TP53BP2: variants seen among roughly 807,000 people sequenced by gnomAD.
TP53BP2 encodes tumor protein p53 binding protein 2.
Under a neutral mutation model 126.2 loss-of-function variants are expected in TP53BP2, and 62 were observed. That is an observed-to-expected ratio of 0.49 (90% CI 0.40 to 0.61). TP53BP2 has a LOEUF of 0.61. Among genes scored for constraint, TP53BP2 ranks in the 20% least tolerant of loss-of-function variants. The pLI is 0.00. For synonymous variants in TP53BP2, 485 were observed against 502.9 expected, an observed-to-expected ratio of 0.96 and a Z score of 0.48; for missense variants, 1,215 against 1,402.8, an observed-to-expected ratio of 0.87 and a Z score of 2.14.
At chr1:223,821,500 G>A (rs368751391) in intron 1 of TP53BP2, 133 bp from the exon 2 acceptor site, 35 of 1,234,974 alleles carry the variant, frequency 2.8e-5, no homozygotes, top group South Asian at 2.3e-4. Flanking sequence ...GCTGTCACCC[G>A]GCCAAAGGTG....
At chr1:223,802,583 C>T (rs569816168) in intron 8 of TP53BP2, 148 bp downstream of exon 8, 76 of 1,042,956 alleles carry the variant, frequency 7.3e-5, no homozygotes, top group Admixed American at 1.2e-4. Context: ...AAAAAAGCAG[C>T]GGATTGTCTT....
chr1:223,802,824 A>T lies in TP53BP2; in HGVS notation c.903T>A (p.Asn301Lys). Residue 301 changes from asparagine (N) to lysine (K), a missense_variant, in exon 8 of 18, where the codon AAT becomes AAA. Asn to Lys is a moderately conservative substitution (Grantham distance 94, BLOSUM62 0). Coordinates refer to ENST00000343537, the MANE Select transcript of TP53BP2 (RefSeq NM_001031685.3). ...GCTTATCCATGACTGCCACTTCTGA[A>T]TTACGCTTATTCAAACACTCCCTCT... is the stretch of plus-strand genomic sequence containing the variant. The part of the protein sequence containing the change: ...QQQRECLNKR[N>K]SEVAVMDKRV... The T allele has an allele frequency of 6.2e-7, 1 of 1,614,192 alleles. No individual in the cohort carries two copies. Among genetic ancestry groups the T allele is most frequent in the Non-Finnish European group, 8.5e-7 (1 of 1,180,020 alleles).
chr1:223,818,578 T>C (rs568651923), intron 2 of TP53BP2, among the ~76,000 whole-genome samples: 1 of 135,940 alleles, frequency 7.4e-6, no homozygotes, highest in Non-Finnish European at 1.5e-5. Flanking sequence ...TAAAAAAAAA[T>C]TTTTTTTTTT....
chr1:223,816,442 C>A (rs1421494372), intron 2 of TP53BP2, among the ~76,000 whole-genome samples: 1 of 151,740 alleles, frequency 6.6e-6, no homozygotes, highest in Non-Finnish European at 1.5e-5. Flanking sequence ...GGCCTAAGAT[C>A]CTGAATGGTT....
At chr1:223,845,542 C>T in intron 1 of TP53BP2, 112 bp downstream of exon 1, 1 of 1,196,040 alleles carries the variant, frequency 8.4e-7, no homozygotes, top group Non-Finnish European at 1.1e-6. Context: ...CCCCTCCGCG[C>T]GGGCTGCGGC....
chr1:223,782,719 C>T (rs1030648365), intron 17 of TP53BP2, among the ~76,000 whole-genome samples: 2 of 152,136 alleles, frequency 1.3e-5, no homozygotes. Flanking sequence ...TCCCAAAGTG[C>T]TGGGATTACA....
chr1:223,814,154 C>T, intron 3 of TP53BP2, 86 bp downstream of exon 3: 1 of 946,742 alleles, frequency 1.1e-6, no homozygotes, highest in Non-Finnish European at 1.7e-6. Context: ...TCTCAAATTA[C>T]CTGGCTTCTC....
At chr1:223,807,568 A>C (rs1662767024) in intron 4 of TP53BP2, among the ~76,000 whole-genome samples, 1 of 152,150 alleles carries the variant, frequency 6.6e-6, no homozygotes, top group Non-Finnish European at 1.5e-5. Flanking sequence ...TGGAATCTAC[A>C]AAAAAGCTAC....
At chr1:223,815,605 A>G (rs953447744) in intron 2 of TP53BP2, among the ~76,000 whole-genome samples, 3 of 152,196 alleles carry the variant, frequency 2.0e-5, no homozygotes, top group African/African-American at 7.2e-5. Flanking sequence ...CACAAGCTCT[A>G]GGCTAACATC....
At position 223,802,171 on chromosome 1, in the gene TP53BP2, C is replaced by T. The variant is rs142207720; in HGVS notation, c.1170G>A (p.Pro390=). 45 of 1,614,032 alleles carry T rather than the reference C, an allele frequency of 2.8e-5. No individual in the cohort carries two copies. Among genetic ancestry groups the T allele is most frequent in the Middle Eastern group, 1.6e-4 (1 of 6,084 alleles). ...TGTTGGGCAGTGTCTGTATTTTCAT[C>T]GGCCCCTCTGAAGCCTGAATGACCA... ...GSLVIQASEG[P]MKIQTLPNMR... is the part of the protein sequence containing the mutation. Residue 390 remains proline (P), a synonymous_variant, in exon 9 of 18, where the codon CCG becomes CCA. Coordinates refer to ENST00000343537, the MANE Select transcript of TP53BP2 (RefSeq NM_001031685.3).
At chr1:223,793,189 A>G (rs1307343579) in intron 14 of TP53BP2, 114 bp downstream of exon 14, 2 of 815,704 alleles carry the variant, frequency 2.5e-6, no homozygotes, top group East Asian at 6.5e-5. Context: ...TTCTAATTAG[A>G]GCTTTAAAAC....
At position 223,792,512 on chromosome 1, in the gene TP53BP2, G is replaced by A; in HGVS notation, c.2873C>T (p.Pro958Leu). Reference sequence around the variant, plus strand: ...GATGCCTTCATCATTGGGGAGGCTTGGGTCATCAACCTATATCAAGAAGAA... The same window carrying A: ...GATGCCTTCATCATTGGGGAGGCTTAGGTCATCAACCTATATCAAGAAGAA... ...VQRIIYEVDD[P>L]SLPNDEGITA... Residue 958 changes from proline (P) to leucine (L), a missense_variant, in exon 15 of 18, where the codon CCA (proline) becomes CTA (leucine). Physicochemically the swap from Pro to Leu is moderately conservative, Grantham distance 98. This residue lies in a region of TP53BP2 where 151 missense variants were observed against 231.2 expected (regional missense o/e 0.65). Coordinates refer to ENST00000343537, the MANE Select transcript of TP53BP2 (RefSeq NM_001031685.3). The A allele has an allele frequency of 6.2e-7, 1 of 1,613,938 alleles. No individual in the cohort carries two copies.
intron 1 of TP53BP2, among the ~76,000 whole-genome samples, chr1:223,835,809 A>C (rs910765993): frequency 2.6e-5 from 4 of 152,236 alleles, no homozygotes; most frequent in African/African-American, 9.6e-5. Flanking sequence ...CACAGAGCTT[A>C]TGGAACAATG....
chr1:223,793,837 C>A (rs1039541340), intron 13 of TP53BP2, among the ~76,000 whole-genome samples: 1 of 152,162 alleles, frequency 6.6e-6, no homozygotes, highest in African/African-American at 2.4e-5. Flanking sequence ...GCAAACTCCA[C>A]TCTCTTAAAG....
chr1:223,789,414 G>A (rs756837184), intron 15 of TP53BP2, among the ~76,000 whole-genome samples: 1 of 152,196 alleles, frequency 6.6e-6, no homozygotes, highest in Non-Finnish European at 1.5e-5. Flanking sequence ...TTAGCAAAGG[G>A]TGAGAAGAAT....
intron 4 of TP53BP2, among the ~76,000 whole-genome samples, chr1:223,809,516 G>A (rs1013839872): frequency 3.3e-5 from 5 of 151,260 alleles, no homozygotes; most frequent in Admixed American, 6.6e-5. Context: ...GCAGTGAGCC[G>A]AGATCACACC....
chr1:223,822,559 CT>C (rs1663349239), intron 1 of TP53BP2, among the ~76,000 whole-genome samples: 1 of 151,844 alleles, frequency 6.6e-6, no homozygotes, highest in African/African-American at 2.4e-5. Flanking sequence ...GTCCCTGCTA[CT>C]TGGAAGGCTG....
At chr1:223,786,604 G>A (rs1661968821) in intron 16 of TP53BP2, among the ~76,000 whole-genome samples, 1 of 149,984 alleles carries the variant, frequency 6.7e-6, no homozygotes, top group Admixed American at 6.6e-5. Context: ...GTGTGTGTGT[G>A]TGTATATTTT....
At position 223,841,921 on chromosome 1, in the gene TP53BP2, T is replaced by A. The variant is rs113855732; in HGVS notation, c.27+3733A>T. ...CCATTACTTTCTCTTTCTTTTTTTT[T>A]TTTTTTGAGACAGTCTCGCTCTGTC... On this transcript the variant is annotated intron_variant, in intron 1 of 17. Coordinates refer to ENST00000343537, the MANE Select transcript of TP53BP2 (RefSeq NM_001031685.3). Among the ~76,000 whole-genome samples the A allele has an allele frequency of 8.3e-3, 1,265 of 151,926 alleles. 22 individuals carry two copies. The highest frequency in any genetic ancestry group is 0.029 in the African/African-American group (1,203 of 41,430).
Sources: gnomAD v4.1 joint callset for allele counts (sites outside exome capture counted in the v4.1 genomes callset) on GRCh38, gnomAD v4.1.1 for gene constraint, gnomAD v4.1.1 regional missense constraint, MANE v1.5 for transcripts, NCBI Gene and HGNC (gene_info 2026-07-23, HGNC 2026-07-21) for gene names.